ADGRB3: variants seen among roughly 807,000 people sequenced by gnomAD.
ADGRB3 encodes the protein brain-specific angiogenesis inhibitor 3.
Under a neutral mutation model 193.4 loss-of-function variants are expected in ADGRB3, and 37 were observed. The observed-to-expected ratio is 0.19, with a 90% confidence interval of 0.15 to 0.25. ADGRB3 has a LOEUF of 0.25. ADGRB3 is among the 10% of genes least tolerant of loss of function. ADGRB3 has a pLI of 1.00. For missense variants in ADGRB3, 1,637 were observed against 1,852.9 expected, an observed-to-expected ratio of 0.88 and a Z score of 2.14; for synonymous variants, 690 against 644.2, an observed-to-expected ratio of 1.07 and a Z score of -1.08.
chr6:69,264,297 A>C (rs981828996), intron 20 of ADGRB3, among the ~76,000 whole-genome samples: 6 of 151,940 alleles, frequency 3.9e-5, no homozygotes, highest in Non-Finnish European at 7.4e-5. Flanking sequence ...CGCCATGGCT[A>C]TTTCAAGCCC....
chr6:68,793,702 T>A (rs1056724155), intron 3 of ADGRB3, among the ~76,000 whole-genome samples: 11 of 152,112 alleles, frequency 7.2e-5, no homozygotes, highest in Non-Finnish European at 1.6e-4. Flanking sequence ...CTAATTTTTT[T>A]ATTTTTAATA....
At chr6:69,097,279 A>G (rs1470376473) in intron 17 of ADGRB3, among the ~76,000 whole-genome samples, 1 of 152,240 alleles carries the variant, frequency 6.6e-6, no homozygotes, top group African/African-American at 2.4e-5. Context: ...AACATTTCCA[A>G]TGAATGGCAA....
chr6:68,921,297 G>T (rs188742988), intron 3 of ADGRB3, among the ~76,000 whole-genome samples: 1 of 152,098 alleles, frequency 6.6e-6, no homozygotes, highest in Non-Finnish European at 1.5e-5. Flanking sequence ...ACACTAAGGG[G>T]CTGAAAATAA....
chr6:68,947,173 G>T (rs1054532963), intron 6 of ADGRB3, among the ~76,000 whole-genome samples: 1 of 151,990 alleles, frequency 6.6e-6, no homozygotes, highest in Admixed American at 6.6e-5. Flanking sequence ...ACATAACGTG[G>T]TCTATTCCTT....
intron 8 of ADGRB3, among the ~76,000 whole-genome samples, chr6:68,958,493 TTG>T (rs1409383315): frequency 2.6e-5 from 4 of 152,186 alleles, no homozygotes; most frequent in African/African-American, 9.6e-5. Context: ...TCTTTTAAAA[TTG>T]TCTTTCATCT....
At chr6:68,892,338 G>A (rs772237791) in intron 3 of ADGRB3, among the ~76,000 whole-genome samples, 29 of 152,150 alleles carry the variant, frequency 1.9e-4, no homozygotes, top group Non-Finnish European at 5.9e-5. Context: ...AGCCACAGCA[G>A]CCTCTGAGTT....
At chr6:68,843,055 A>C (rs1346364703) in intron 3 of ADGRB3, among the ~76,000 whole-genome samples, 2 of 151,716 alleles carry the variant, frequency 1.3e-5, no homozygotes, top group African/African-American at 2.4e-5. Context: ...CAACAACAAA[A>C]AAAAAAACAG....
intron 5 of ADGRB3, among the ~76,000 whole-genome samples, chr6:68,938,018 T>TC (rs1055533735): frequency 6.6e-6 from 1 of 151,990 alleles, no homozygotes; most frequent in African/African-American, 2.4e-5. Flanking sequence ...AGGTGGGCGA[T>TC]CCCTTTAGAA....
At chr6:69,194,737 T>G (rs1765263192) in intron 17 of ADGRB3, among the ~76,000 whole-genome samples, 2 of 152,110 alleles carry the variant, frequency 1.3e-5, no homozygotes, top group South Asian at 4.1e-4. Flanking sequence ...TAGAGCTTAA[T>G]GTTTAAGAGT....
intron 3 of ADGRB3, among the ~76,000 whole-genome samples, chr6:68,701,444 A>G (rs1561999011): frequency 6.6e-6 from 1 of 152,180 alleles, no homozygotes; most frequent in East Asian, 1.9e-4. Flanking sequence ...CACTCAATAC[A>G]GGGCTCCAGG....
intron 3 of ADGRB3, among the ~76,000 whole-genome samples, chr6:68,679,480 C>T (rs1236246969): frequency 6.6e-6 from 1 of 152,062 alleles, no homozygotes; most frequent in East Asian, 1.9e-4. Flanking sequence ...AAAGTAGTCA[C>T]ATGGCCACAC....
intron 3 of ADGRB3, among the ~76,000 whole-genome samples, chr6:68,735,145 CAAAGCTTTTA>C (rs1465724014): frequency 6.6e-6 from 1 of 151,324 alleles, no homozygotes; most frequent in Non-Finnish European, 1.5e-5. Context: ...AATGAGAAAC[CAAAGCTTTTA>C]AATTAGGAGT....
At chr6:68,864,123 A>G (rs1197811923) in intron 3 of ADGRB3, among the ~76,000 whole-genome samples, 1 of 152,206 alleles carries the variant, frequency 6.6e-6, no homozygotes, top group Non-Finnish European at 1.5e-5. Flanking sequence ...GAAAAAACAA[A>G]TATTTCAGAT....
chr6:69,334,841 G>A (rs1768812215), intron 24 of ADGRB3, among the ~76,000 whole-genome samples: 1 of 152,304 alleles, frequency 6.6e-6, no homozygotes, highest in East Asian at 1.9e-4. Flanking sequence ...GCCTTTGGGT[G>A]TGTTACTTTT....
chr6:68,732,345 C>T (rs1765790106), intron 3 of ADGRB3, among the ~76,000 whole-genome samples: 2 of 151,822 alleles, frequency 1.3e-5, no homozygotes, highest in South Asian at 2.1e-4. Context: ...CACATGTTCT[C>T]ACTTACCTAT....
chr6:69,260,245 G>A lies in ADGRB3; in HGVS notation c.2814+21019G>A, dbSNP rs7757740. Among the ~76,000 whole-genome samples the A allele has an allele frequency of 4.4e-3, 675 of 152,226 alleles. 4 individuals are homozygous for A. The highest frequency in any genetic ancestry group is 0.03 in the South Asian group (144 of 4,824). On this transcript the variant is annotated intron_variant, in intron 20 of 31. Coordinates refer to ENST00000370598, the MANE Select transcript of ADGRB3 (RefSeq NM_001704.3). ...TGGATGAGAATGGCTTTTGGGTAAA[G>A]TATTTTGTCTATGATTTTACATGGT...
intron 20 of ADGRB3, among the ~76,000 whole-genome samples, chr6:69,302,584 G>A (rs1767968868): frequency 6.6e-6 from 1 of 151,882 alleles, no homozygotes; most frequent in African/African-American, 2.4e-5. Flanking sequence ...GCCTCTAGAT[G>A]TAAGAGTCAT....
At chr6:68,907,502 T>A (rs1766581072) in intron 3 of ADGRB3, among the ~76,000 whole-genome samples, 1 of 151,970 alleles carries the variant, frequency 6.6e-6, no homozygotes, top group African/African-American at 2.4e-5. Flanking sequence ...TCACTAAATT[T>A]GATAGAACTA....
chr6:69,188,628 G>A (rs1334302394), intron 17 of ADGRB3, among the ~76,000 whole-genome samples: 1 of 152,004 alleles, frequency 6.6e-6, no homozygotes, highest in East Asian at 1.9e-4. Context: ...TTTTTTACTA[G>A]CTTTATGTTT....
Sources: gnomAD v4.1 joint callset for allele counts (sites outside exome capture counted in the v4.1 genomes callset) on GRCh38, gnomAD v4.1.1 for gene constraint, MANE v1.5 for transcripts, NCBI Gene and HGNC (gene_info 2026-07-23, HGNC 2026-07-21) for gene names.